Variants in TNR observed in about 807,000 individuals in gnomAD.
The protein encoded by TNR is tenascin R.
A neutral mutation model predicts 150.4 loss-of-function variants in TNR; 45 were observed. The observed-to-expected ratio is 0.30, with a 90% confidence interval of 0.24 to 0.38. The LOEUF is 0.38. Among genes scored for constraint, TNR ranks in the 10% least tolerant of loss-of-function variants. TNR has a pLI of 1.00. For missense variants in TNR, 1,544 were observed against 1,759.1 expected, an observed-to-expected ratio of 0.88 and a Z score of 2.19; for synonymous variants, 687 against 678.4, an observed-to-expected ratio of 1.01 and a Z score of -0.20.
intron 1 of TNR, among the ~76,000 whole-genome samples, chr1:175,630,484 T>G (rs1664292105): frequency 1.3e-5 from 2 of 152,230 alleles, no homozygotes; most frequent in Admixed American, 1.3e-4. Flanking sequence ...GGTTAGGCGC[T>G]GTACATACTT....
chr1:175,700,079 A>G (rs1032717338), intron 1 of TNR, among the ~76,000 whole-genome samples: 1 of 151,496 alleles, frequency 6.6e-6, no homozygotes, highest in Admixed American at 6.6e-5. Context: ...CATGACCCCA[A>G]GCGAAGGAGA....
intron 1 of TNR, among the ~76,000 whole-genome samples, chr1:175,616,136 C>T (rs545679218): frequency 1.2e-4 from 18 of 152,298 alleles, no homozygotes; most frequent in African/African-American, 3.6e-4. Context: ...AGGTCAGCTA[C>T]GTTTCCCCAT....
chr1:175,670,529 T>A (rs1665667025), intron 1 of TNR, among the ~76,000 whole-genome samples: 1 of 152,228 alleles, frequency 6.6e-6, no homozygotes, highest in African/African-American at 2.4e-5. Flanking sequence ...TCAGCTATCA[T>A]TTAGTGAGCA....
intron 5 of TNR, 103 bp from the exon 6 acceptor site, chr1:175,393,998 G>A: frequency 1.2e-6 from 1 of 864,498 alleles, no homozygotes; most frequent in Admixed American, 2.0e-5. Flanking sequence ...CCATGGGCGT[G>A]GTGGTGTCTG....
intron 18 of TNR, among the ~76,000 whole-genome samples, chr1:175,343,359 C>T (rs1650620459): frequency 6.6e-6 from 1 of 152,154 alleles, no homozygotes; most frequent in Non-Finnish European, 1.5e-5. Flanking sequence ...GAATGCTCTT[C>T]TTTGTGGATT....
At chr1:175,392,152 C>T (rs777423961) in intron 6 of TNR, among the ~76,000 whole-genome samples, 9 of 151,022 alleles carry the variant, frequency 6.0e-5, no homozygotes, top group Non-Finnish European at 1.2e-4. Flanking sequence ...AGTAACTTGA[C>T]GAAATTGAAT....
chr1:175,722,572 C>T (rs1298078772), intron 1 of TNR, among the ~76,000 whole-genome samples: 1 of 151,702 alleles, frequency 6.6e-6, no homozygotes, highest in African/African-American at 2.4e-5. Flanking sequence ...TCAAGCAATC[C>T]TCCCATCTCA....
At chr1:175,492,795 AG>A (rs1212823580) in intron 2 of TNR, among the ~76,000 whole-genome samples, 2 of 152,170 alleles carry the variant, frequency 1.3e-5, no homozygotes, top group Non-Finnish European at 2.9e-5. Context: ...AGGAGTGATT[AG>A]TACATGGGGT....
chr1:175,601,100 A>C (rs1340681200), intron 1 of TNR, among the ~76,000 whole-genome samples: 1 of 152,242 alleles, frequency 6.6e-6, no homozygotes, highest in Non-Finnish European at 1.5e-5. Context: ...ATATGTTTAC[A>C]TATGTAGAAA....
chr1:175,533,253 A>G (rs1660143992), intron 1 of TNR, among the ~76,000 whole-genome samples: 1 of 152,222 alleles, frequency 6.6e-6, no homozygotes. Context: ...GATGGGAATA[A>G]TAATATTTCT....
chr1:175,578,171 T>C (rs1662196642), intron 1 of TNR, among the ~76,000 whole-genome samples: 1 of 151,990 alleles, frequency 6.6e-6, no homozygotes, highest in South Asian at 2.1e-4. Context: ...TGGAGTTTAG[T>C]AGGTTCCACT....
At chr1:175,581,759 G>A (rs1662358521) in intron 1 of TNR, among the ~76,000 whole-genome samples, 2 of 152,056 alleles carry the variant, frequency 1.3e-5, no homozygotes, top group Non-Finnish European at 2.9e-5. Context: ...TTGGTGACAG[G>A]CATAAAGTGA....
chr1:175,726,095 C>T (rs538240430), intron 1 of TNR, among the ~76,000 whole-genome samples: 21 of 152,286 alleles, frequency 1.4e-4, no homozygotes, highest in African/African-American at 4.3e-4. Flanking sequence ...AAATTGATTA[C>T]TTAAATGATA....
chr1:175,461,157 C>T (rs953128924), intron 2 of TNR, among the ~76,000 whole-genome samples: 1 of 152,218 alleles, frequency 6.6e-6, no homozygotes, highest in Admixed American at 6.5e-5. Flanking sequence ...AACCTGGAAA[C>T]CCCAGGAAAT....
intron 1 of TNR, among the ~76,000 whole-genome samples, chr1:175,621,454 A>G (rs10798410): frequency 0.47 from 72,167 of 151,932 alleles, 18,331 homozygotes; most frequent in African/African-American, 0.68. Context: ...CCCCTGAGGT[A>G]CATTTCAGGA....
intron 2 of TNR, among the ~76,000 whole-genome samples, chr1:175,459,035 G>A (rs1656696533): frequency 6.6e-6 from 1 of 150,616 alleles, no homozygotes; most frequent in South Asian, 2.1e-4. Context: ...CAACATCACT[G>A]TTGCCTCTAC....
At chr1:175,567,848 CT>C (rs1178468624) in intron 1 of TNR, among the ~76,000 whole-genome samples, 4 of 152,058 alleles carry the variant, frequency 2.6e-5, no homozygotes, top group Non-Finnish European at 4.4e-5. Context: ...TCTTAATGAG[CT>C]TCTGCCAGTC....
chr1:175,680,471 AAG>A (rs1301299742), intron 1 of TNR, among the ~76,000 whole-genome samples: 1 of 152,162 alleles, frequency 6.6e-6, no homozygotes, highest in East Asian at 1.9e-4. Context: ...AAGTGAGAGA[AAG>A]AGATATTGAC....
chr1:175,505,088 C>T (rs1380407476), intron 2 of TNR, among the ~76,000 whole-genome samples: 2 of 152,166 alleles, frequency 1.3e-5, no homozygotes, highest in Admixed American at 1.3e-4. Flanking sequence ...GGACGCTGTT[C>T]GGCCAGGTCC....
Sources: allele counts gnomAD v4.1 joint callset (sites outside exome capture counted in the v4.1 genomes callset), GRCh38; gene constraint gnomAD v4.1.1; transcripts MANE v1.5; gene names NCBI Gene and HGNC (gene_info 2026-07-23, HGNC 2026-07-21).